UBIAD1: variants seen among roughly 807,000 people sequenced by gnomAD.
The protein encoded by UBIAD1 is ubiA prenyltransferase domain-containing protein 1.
A neutral mutation model predicts 20.1 loss-of-function variants in UBIAD1; 12 were observed. The observed-to-expected ratio is 0.60, with a 90% CI of 0.38 to 0.97. UBIAD1 has a LOEUF of 0.97. Ranked by LOEUF, UBIAD1 falls within the 50% of genes least tolerant of loss-of-function variation. The pLI, the probability that UBIAD1 is intolerant of heterozygous loss-of-function variation, is 0.00. For missense variants in UBIAD1, 333 were observed against 419.5 expected, an observed-to-expected ratio of 0.79 and a Z score of 1.80; for synonymous variants, 207 against 189.2, an observed-to-expected ratio of 1.09 and a Z score of -0.77.
intron 1 of UBIAD1, among the ~76,000 whole-genome samples, chr1:11,284,229 A>C (rs1652334480): frequency 6.6e-6 from 1 of 152,076 alleles, no homozygotes; most frequent in South Asian, 2.1e-4. Flanking sequence ...AATGGTCTTT[A>C]AAGTCTTAAA....
intron 1 of UBIAD1, among the ~76,000 whole-genome samples, chr1:11,281,699 C>A (rs1253040916): frequency 2.0e-5 from 3 of 152,128 alleles, no homozygotes; most frequent in African/African-American, 7.2e-5. Flanking sequence ...AAAAGCTTCC[C>A]AGTGCTTCTT....
chr1:11,283,402 T>C (rs948162797), intron 1 of UBIAD1, among the ~76,000 whole-genome samples: 2 of 152,060 alleles, frequency 1.3e-5, no homozygotes, highest in Non-Finnish European at 2.9e-5. Flanking sequence ...GTGTGAGATA[T>C]TGGAAGAGAC....
chr1:11,273,451 C>T lies in UBIAD1; in HGVS notation c.-81C>T. 6.4e-7 allele frequency: 1 copy of T among 1,571,726 alleles called. No individual in the cohort carries two copies. Among genetic ancestry groups the T allele is most frequent in the Admixed American group, 1.7e-5 (1 of 59,722 alleles). The stretch of plus-strand genomic sequence containing the variant: ...CCGAAGGAAGGTCGGGCCCTGCTGC[C>T]CCGCCCCGTCCTTCCTCCTTCCCGG... On this transcript the variant is annotated 5_prime_UTR_variant, in exon 1 of 2. Coordinates refer to ENST00000376810, the MANE Select transcript of UBIAD1 (RefSeq NM_013319.3). This position sits in a 1 kb window ranked among gnomAD's most constrained non-coding sequence, Gnocchi z 4.9.
rs554973543 is a variant in UBIAD1 at position 11,288,255 on chromosome 1, C to T, written c.*2124C>T. ...TGGTGGTCACTCCCATCGGGGCTAT[C>T]AGTTCTGCACTGTGCCCTGGTGCGG... On this transcript the variant is annotated 3_prime_UTR_variant, in exon 2 of 2. Transcript: ENST00000376810. 1 of 152,198 alleles carries T rather than the reference C, an allele frequency of 6.6e-6. No homozygotes were observed. Among genetic ancestry groups the T allele is most frequent in the Non-Finnish European group, 1.5e-5 (1 of 68,046 alleles). The allele number at this position is 152,198 out of a possible 1,614,324, so 9.4% of individuals were successfully genotyped here.
chr1:11,284,481 T>C (rs1326488695), intron 1 of UBIAD1, among the ~76,000 whole-genome samples: 1 of 152,152 alleles, frequency 6.6e-6, no homozygotes, highest in African/African-American at 2.4e-5. Context: ...ACTAATTTTT[T>C]TGAGACAGAG....
downstream of UBIAD1, among the ~76,000 whole-genome samples, chr1:11,297,674 G>A (rs1638469143): frequency 6.6e-6 from 1 of 152,182 alleles, no homozygotes; most frequent in African/African-American, 2.4e-5. Context: ...TGGCCTTGGG[G>A]TCAAAGATTG....
At position 11,286,507 on chromosome 1, in the gene UBIAD1, C is replaced by T. The variant is rs1377894118; in HGVS notation, c.*376C>T. The T allele has an allele frequency of 3.6e-5, 12 of 329,972 alleles. No individual in the cohort carries two copies. The highest frequency in any genetic ancestry group is 2.6e-4 in the South Asian group (10 of 37,880). 20.4% of individuals were successfully genotyped at this position (329,972 alleles called of 1,614,324 possible). A position where few individuals can be genotyped will look rare whatever the true frequency, so the allele number is the denominator to read the frequency against. On this transcript the variant is annotated 3_prime_UTR_variant, in exon 2 of 2. Transcript: ENST00000376810. ...AGCTGCCCAGTTTGGCCTCCTGTCC[C>T]GAAAAGACCCTAATAACTAGGCAGA...
chr1:11,274,544 G>T (rs2788555), intron 1 of UBIAD1, among the ~76,000 whole-genome samples: 3 of 151,700 alleles, frequency 2.0e-5, no homozygotes, highest in Non-Finnish European at 4.4e-5. Flanking sequence ...TGATCCACCC[G>T]CCTCAGCCTC....
rs909285254 is a variant in UBIAD1, at chr1:11,274,032, C to A, written c.501C>A (p.Gly167=). ...LEHLALIYFG[G]LSGSFLYTGG... ...ACTTGGCTCTTATCTACTTTGGAGG[C>A]CTGTCTGGCTCCTTTCTCTACACAG... The change falls in exon 1 of 2, where the codon GGC becomes GGA. Residue 167 remains glycine (G), a synonymous_variant. Coordinates refer to ENST00000376810, the MANE Select transcript of UBIAD1 (RefSeq NM_013319.3). The A allele has an allele frequency of 6.2e-7, 1 of 1,613,976 alleles. No homozygotes were observed. The highest frequency in any genetic ancestry group is 1.3e-5 in the African/African-American group (1 of 74,874).
chr1:11,278,819 G>T, intron 1 of UBIAD1: 1 of 478,692 alleles, frequency 2.1e-6, no homozygotes. Flanking sequence ...AACTGATGGG[G>T]GAGCTTCTGG....
chr1:11,287,666 A>G lies in UBIAD1; in HGVS notation c.*1535A>G, dbSNP rs536904644. On this transcript the variant is annotated 3_prime_UTR_variant, in exon 2 of 2. Coordinates refer to ENST00000376810, the MANE Select transcript of UBIAD1 (RefSeq NM_013319.3). ...AAAGTTCCGCCGGGCGCGGTGGCTC[A>G]TGCCTGTAATCCCAGCACTTTGGGA... The G allele has an allele frequency of 6.6e-6, 1 of 152,258 alleles. No homozygotes were observed. The highest frequency in any genetic ancestry group is 1.5e-5 in the Non-Finnish European group (1 of 68,050). The allele number at this position is 152,258 out of a possible 1,614,324, so 9.4% of individuals were successfully genotyped here.
Position 11,285,909 on chromosome 1 carries a change from C to G in UBIAD1, c.795C>G (p.Leu265=). ...TFSYILYNTL[L]FLPYLVFSIL... ...CCTACATTCTCTACAACACACTGCT[C>G]TTCCTGCCCTACCTGGTCTTCAGCA... Residue 265 remains leucine, a synonymous_variant, in exon 2 of 2, where the codon CTC becomes CTG. Transcript: ENST00000376810. The surrounding 1 kb of genome is among the most constrained non-coding windows in gnomAD (Gnocchi z 4.4). 1.9e-6 allele frequency: 3 copies of G among 1,614,222 alleles called. 1 individual carries two copies. Among genetic ancestry groups the G allele is most frequent in the East Asian group, 2.2e-5 (1 of 44,890 alleles).
downstream of UBIAD1, among the ~76,000 whole-genome samples, chr1:11,289,491 T>C (rs1348402057): frequency 2.0e-5 from 3 of 152,072 alleles, no homozygotes; most frequent in Non-Finnish European, 4.4e-5. Flanking sequence ...AGAGCCATGA[T>C]GTGACAGCCA....
downstream of UBIAD1, among the ~76,000 whole-genome samples, chr1:11,297,639 G>A (rs1255511277): frequency 6.6e-6 from 1 of 152,192 alleles, no homozygotes; most frequent in Non-Finnish European, 1.5e-5. Context: ...ATCCTGGTGG[G>A]GTGACTATGA....
rs77958824 is a variant in UBIAD1 at position 11,284,124 on chromosome 1, T to C, written c.530-1520T>C. On this transcript the variant is annotated intron_variant, in intron 1 of 1. Transcript: ENST00000376810. Reference sequence around the variant, plus strand: ...GAAAGGTGGAGATTAATTAGAAGCATGATGAAGTTTATGAACATGGCAGGC... The same window carrying C: ...GAAAGGTGGAGATTAATTAGAAGCACGATGAAGTTTATGAACATGGCAGGC... 3.3e-3 allele frequency among the ~76,000 whole-genome samples: 504 copies of C among 152,258 alleles called. 1 individual carries two copies. The highest frequency in any genetic ancestry group is 0.011 in the African/African-American group (467 of 41,562).
Position 11,273,933 on chromosome 1 carries a change from C to T in UBIAD1, c.402C>T (p.Phe134=), listed in dbSNP as rs1251257347. The T allele has an allele frequency of 6.2e-7, 1 of 1,614,230 alleles. No individual in the cohort carries two copies. The highest frequency in any genetic ancestry group is 8.5e-7 in the Non-Finnish European group (1 of 1,180,048). The stretch of plus-strand genomic sequence containing the variant: ...TGGAGCCGCAGGATGTCGTCCGGTT[C>T]GGAGTCTTCCTCTACACGTTGGGCT... ...RILEPQDVVR[F]GVFLYTLGCV... The change falls in exon 1 of 2, where the codon TTC becomes TTT. Residue 134 remains phenylalanine, a synonymous_variant. Transcript: ENST00000376810. The surrounding 1 kb of genome is among the most constrained non-coding windows in gnomAD (Gnocchi z 4.9).
chr1:11,298,608 A>AT (rs201138712), downstream of UBIAD1, among the ~76,000 whole-genome samples: 95 of 151,774 alleles, frequency 6.3e-4, no homozygotes, highest in Middle Eastern at 3.4e-3. The surrounding 1 kb of genome is among the most constrained non-coding windows in gnomAD (Gnocchi z 4.0). Context: ...AAATAAATAA[A>AT]AGTTTCCCAT....
rs151196954 is a variant in UBIAD1 at position 11,285,558 on chromosome 1, G to A, written c.530-86G>A. ...GTCTAAGGATTTACCATTTTCAGCCGGAAGTGGCCTGCCTCTTCACTGGTG... is the reference window on the plus strand; with the variant it reads ...GTCTAAGGATTTACCATTTTCAGCCAGAAGTGGCCTGCCTCTTCACTGGTG... On this transcript the variant is annotated intron_variant, in intron 1 of 1. Coordinates refer to ENST00000376810, the MANE Select transcript of UBIAD1 (RefSeq NM_013319.3). The surrounding 1 kb of genome is among the most constrained non-coding windows in gnomAD (Gnocchi z 4.4). The A allele has an allele frequency of 1.7e-5, 27 of 1,596,364 alleles. No homozygotes were observed. The highest frequency in any genetic ancestry group is 3.3e-5 in the Admixed American group (2 of 59,772).
chr1:11,277,271 A>G lies in UBIAD1; in HGVS notation c.529+3211A>G, dbSNP rs978236778. 2.0e-5 allele frequency among the ~76,000 whole-genome samples: 3 copies of G among 150,310 alleles called. No homozygotes were observed. The Admixed American group carries it at 2.0e-4, about 10-fold the overall frequency. ...ATTAAAAAAATCAAACACATTTGTGACAGTGTTCATTGTACCTGCTACTTT... is the reference window on the plus strand; with the variant it reads ...ATTAAAAAAATCAAACACATTTGTGGCAGTGTTCATTGTACCTGCTACTTT... On this transcript the variant is annotated intron_variant, in intron 1 of 1. Transcript: ENST00000376810.
Sources: gnomAD v4.1 joint callset for allele counts (sites outside exome capture counted in the v4.1 genomes callset) on GRCh38, gnomAD v4.1.1 for gene constraint, Gnocchi (gnomAD v3.1) non-coding constraint, MANE v1.5 for transcripts, NCBI Gene and HGNC (gene_info 2026-07-23, HGNC 2026-07-21) for gene names.